NTPCR: variants seen among roughly 807,000 people sequenced by gnomAD.
NTPCR encodes the protein cancer-related nucleoside-triphosphatase.
NTPCR carries 15 observed loss-of-function variants against 19.5 expected under a neutral mutation model. The ratio of observed to expected loss-of-function variants is 0.77; its 90% CI spans 0.51 to 1.18. NTPCR has a LOEUF of 1.18. Ranked by LOEUF, NTPCR falls within the 50% of genes most tolerant of loss-of-function variation. The pLI is 0.00. For synonymous variants in NTPCR, 90 were observed against 95.8 expected, an observed-to-expected ratio of 0.94 and a Z score of 0.36; for missense variants, 206 against 240.4, an observed-to-expected ratio of 0.86 and a Z score of 0.95.
Position 232,982,673 on chromosome 1 carries a change from C to T in NTPCR, c.*4442C>T, listed in dbSNP as rs918719499. The T allele has an allele frequency of 3.9e-5, 6 of 152,240 alleles. No homozygotes were observed. Among genetic ancestry groups the T allele is most frequent in the African/African-American group, 1.4e-4 (6 of 41,446 alleles). 9.4% of individuals were successfully genotyped at this position (152,240 alleles called of 1,614,324 possible). A position where few individuals can be genotyped will look rare whatever the true frequency, so the allele number is the denominator to read the frequency against. Reference sequence around the variant, plus strand: ...TTTCTAGCTCTTTGGGGAGATTCCCCGTTTTGTGGAATGCTTTCTGTGTTT... The same window carrying T: ...TTTCTAGCTCTTTGGGGAGATTCCCTGTTTTGTGGAATGCTTTCTGTGTTT... On this transcript the variant is annotated 3_prime_UTR_variant, in exon 5 of 5. Transcript: ENST00000366628.
intron 3 of NTPCR, among the ~76,000 whole-genome samples, chr1:232,959,745 A>G (rs1167383747): frequency 6.6e-6 from 1 of 152,204 alleles, no homozygotes; most frequent in East Asian, 1.9e-4. Context: ...ACAAATTCCG[A>G]TAATAAGAAA....
intron 1 of NTPCR, among the ~76,000 whole-genome samples, chr1:232,954,659 A>G (rs895853976): frequency 1.3e-5 from 2 of 152,256 alleles, no homozygotes; most frequent in African/African-American, 4.8e-5. Context: ...TAAAATATGC[A>G]TAAGGATGGT....
At chr1:232,950,779 G>A in intron 1 of NTPCR, 35 bp downstream of exon 1, 1 of 1,511,950 alleles carries the variant, frequency 6.6e-7, no homozygotes, top group Non-Finnish European at 9.0e-7. Context: ...CCAAGAGGTC[G>A]AGGGGGTGGG....
intron 4 of NTPCR, among the ~76,000 whole-genome samples, chr1:232,970,601 T>C (rs1004978404): frequency 6.6e-6 from 1 of 152,216 alleles, no homozygotes; most frequent in African/African-American, 2.4e-5. Context: ...CACCGTCCAG[T>C]TGAACTTCCC....
At chr1:232,975,434 T>C (rs1002383008) in intron 4 of NTPCR, among the ~76,000 whole-genome samples, 15 of 152,238 alleles carry the variant, frequency 9.9e-5, no homozygotes, top group Non-Finnish European at 1.8e-4. Context: ...GCTTATGTTC[T>C]GACTTTAACA....
chr1:232,954,133 A>G (rs1041296295), intron 1 of NTPCR, among the ~76,000 whole-genome samples: 3 of 152,234 alleles, frequency 2.0e-5, no homozygotes, highest in Non-Finnish European at 4.4e-5. Context: ...CATTACTTGC[A>G]TGAAACAGAT....
At position 232,971,339 on chromosome 1, in the gene NTPCR, G is replaced by A. The variant is rs373654374; in HGVS notation, c.504+1221G>A. ...CAGGGGGAGTGGAGAGTGAGTACCC[G>A]TGAGCACCTTCCTCATGATCATTTT... is the stretch of plus-strand genomic sequence containing the variant. On this transcript the variant is annotated intron_variant, in intron 4 of 4. Transcript: ENST00000366628. 8.7e-4 allele frequency among the ~76,000 whole-genome samples: 132 copies of A among 152,204 alleles called. 1 individual carries two copies. Among genetic ancestry groups the A allele is most frequent in the African/African-American group, 3.0e-3 (124 of 41,534 alleles).
At chr1:232,959,339 T>C (rs1668604438) in intron 3 of NTPCR, among the ~76,000 whole-genome samples, 1 of 152,176 alleles carries the variant, frequency 6.6e-6, no homozygotes, top group Non-Finnish European at 1.5e-5. Context: ...GATTGTAAGT[T>C]TCCTGAGGCC....
At position 232,983,514 on chromosome 1, in the gene NTPCR, C is replaced by T. The variant is rs1487722842; in HGVS notation, c.*5283C>T. On this transcript the variant is annotated 3_prime_UTR_variant, in exon 5 of 5. Coordinates refer to ENST00000366628, the MANE Select transcript of NTPCR (RefSeq NM_032324.3). ...AGTAAGGGTTGCGGGGCTTGGAGAACAAGCACGCGTCCCTGTGAAGCCCGC... is the reference window on the plus strand; with the variant it reads ...AGTAAGGGTTGCGGGGCTTGGAGAATAAGCACGCGTCCCTGTGAAGCCCGC... 1 of 152,256 alleles carries T rather than the reference C, an allele frequency of 6.6e-6. No individual in the cohort carries two copies. The highest frequency in any genetic ancestry group is 1.9e-4 in the East Asian group (1 of 5,204). The allele number at this position is 152,256 out of a possible 1,614,324, so 9.4% of individuals were successfully genotyped here. A position where few individuals can be genotyped will look rare whatever the true frequency, so the allele number is the denominator to read the frequency against.
At chr1:232,967,937 A>G (rs1428236911) in intron 3 of NTPCR, 1 of 152,160 alleles carries the variant, frequency 6.6e-6, no homozygotes, top group African/African-American at 2.4e-5. Context: ...TTTTATTATC[A>G]TAGACAGGTG....
chr1:232,968,818 A>G (rs1178352554), intron 3 of NTPCR: 2 of 152,222 alleles, frequency 1.3e-5, no homozygotes, highest in Non-Finnish European at 2.9e-5. Context: ...TCATGTATAC[A>G]AACATATATA....
rs923004866 is a variant in NTPCR at position 232,969,727 on chromosome 1, C to T, written c.295-182C>T. The T allele has an allele frequency of 7.2e-6, 4 of 552,516 alleles. No individual in the cohort carries two copies. In the South Asian group the frequency reaches 8.2e-5, roughly 11 times the overall value. 34.2% of individuals were successfully genotyped at this position (552,516 alleles called of 1,614,324 possible). A position where few individuals can be genotyped will look rare whatever the true frequency, so the allele number is the denominator to read the frequency against. On this transcript the variant is annotated intron_variant, in intron 3 of 4. Coordinates refer to ENST00000366628, the MANE Select transcript of NTPCR (RefSeq NM_032324.3). ...ATGATTCCCAGCTCCTGGGACTCAC[C>T]CTTGTGCAGTCCCCTCCCACACAGT...
chr1:232,974,263 C>T (rs574328428), intron 4 of NTPCR, among the ~76,000 whole-genome samples: 6 of 152,080 alleles, frequency 3.9e-5, no homozygotes, highest in Non-Finnish European at 7.4e-5. Context: ...AAACAACTGT[C>T]GACTCATAAT....
At chr1:232,953,430 A>G (rs1668427959) in intron 1 of NTPCR, among the ~76,000 whole-genome samples, 1 of 152,246 alleles carries the variant, frequency 6.6e-6, no homozygotes, top group Non-Finnish European at 1.5e-5. Context: ...TGAAGAAGCC[A>G]AAAGGGACTT....
chr1:232,973,360 C>T (rs891525280), intron 4 of NTPCR, among the ~76,000 whole-genome samples: 3 of 152,108 alleles, frequency 2.0e-5, no homozygotes, highest in African/African-American at 4.8e-5. Flanking sequence ...AGAACTCTTC[C>T]AGTTTTAGAC....
At chr1:232,960,787 C>T (rs1668651560) in intron 3 of NTPCR, among the ~76,000 whole-genome samples, 2 of 152,096 alleles carry the variant, frequency 1.3e-5, no homozygotes, top group Admixed American at 6.6e-5. Context: ...TAATTTTTTT[C>T]ATTCCATGAG....
chr1:232,956,477 T>G, intron 3 of NTPCR, 34 bp downstream of exon 3: 1 of 1,397,756 alleles, frequency 7.2e-7, no homozygotes, highest in Non-Finnish European at 1.0e-6. Flanking sequence ...TGAACCCATC[T>G]GCTCTTAGTG....
intron 1 of NTPCR, among the ~76,000 whole-genome samples, chr1:232,952,676 AT>A (rs200922293): frequency 2.7e-4 from 39 of 146,354 alleles, no homozygotes; most frequent in Admixed American, 4.1e-4. Context: ...ATGCCCTCTA[AT>A]TTTTTTTTTT....
At chr1:232,951,954 T>G (rs1265978040) in intron 1 of NTPCR, among the ~76,000 whole-genome samples, 1 of 152,212 alleles carries the variant, frequency 6.6e-6, no homozygotes, top group Non-Finnish European at 1.5e-5. Flanking sequence ...AATGGAGGTG[T>G]CCTGTTACCG....
Sources: gnomAD v4.1 joint callset for allele counts (sites outside exome capture counted in the v4.1 genomes callset) on GRCh38, gnomAD v4.1.1 for gene constraint, MANE v1.5 for transcripts, NCBI Gene and HGNC (gene_info 2026-07-23, HGNC 2026-07-21) for gene names.